Variants in ARPC5 observed in about 807,000 individuals in gnomAD.
ARPC5 encodes actin related protein 2/3 complex subunit 5.
A neutral mutation model predicts 15.4 loss-of-function variants in ARPC5; 5 were observed. The ratio of observed to expected loss-of-function variants is 0.32; its 90% CI spans 0.17 to 0.68. The LOEUF is 0.68. Among genes scored for constraint, ARPC5 ranks in the 30% least tolerant of loss-of-function variants. The probability of loss-of-function intolerance (pLI) is 0.71; values close to 1 mark genes in which losing one functional copy is unlikely to be tolerated. For missense variants in ARPC5, 138 were observed against 192.8 expected (o/e 0.72, Z 1.68); for synonymous variants, 85 against 72.2 (o/e 1.18, Z -0.90).
chr1:183,633,324 C>T, intron 1 of ARPC5, 170 bp from the exon 2 acceptor site: 3 of 494,342 alleles, frequency 6.1e-6, no homozygotes, highest in Non-Finnish European at 1.1e-5. Context: ...GGCAAAATAT[C>T]AAAAGCAAAA....
intron 2 of ARPC5, chr1:183,632,383 G>C (rs1348658263): frequency 6.6e-6 from 1 of 151,636 alleles, no homozygotes; most frequent in Non-Finnish European, 1.5e-5. Flanking sequence ...TACTCAAAGA[G>C]AACAATTAAA....
rs1303954147 is a variant in ARPC5, at chr1:183,621,468, G to A, written c.*6064C>T. 1.3e-5 allele frequency: 2 copies of A among 152,104 alleles called. No homozygotes were observed. The highest frequency in any genetic ancestry group is 2.4e-5 in the African/African-American group (1 of 41,434). The allele number at this position is 152,104 out of a possible 1,614,324, so 9.4% of individuals were successfully genotyped here. A position where few individuals can be genotyped will look rare whatever the true frequency, so the allele number is the denominator to read the frequency against. On this transcript the variant is annotated 3_prime_UTR_variant, in exon 4 of 4. Transcript: ENST00000359856. ...CAGTCATAAAAATAAAATTGTTATC[G>A]GAAAGTGGTCCCAATCCAGACCCCA...
rs12032504 is a variant in ARPC5 at position 183,633,173 on chromosome 1, G to T, written c.144-19C>A. 56,166 of 1,576,072 alleles carry T rather than the reference G, an allele frequency of 0.036. 1,569 individuals carry two copies. The highest frequency in any genetic ancestry group is 0.13 in the African/African-American group (9,691 of 72,504). Reference sequence around the variant, plus strand: ...GTTTCCTGTGATGGAAGTTAAGGGTGTAACAGCAAAGGATGGCCCCCAGGA... The same window carrying T: ...GTTTCCTGTGATGGAAGTTAAGGGTTTAACAGCAAAGGATGGCCCCCAGGA... On this transcript the variant is annotated intron_variant, in intron 1 of 3. Coordinates refer to ENST00000359856, the MANE Select transcript of ARPC5 (RefSeq NM_005717.4).
intron 2 of ARPC5, chr1:183,631,605 T>G (rs1263893619): frequency 6.8e-6 from 1 of 147,562 alleles, no homozygotes; most frequent in Non-Finnish European, 1.5e-5. Flanking sequence ...AAAAAAAAAT[T>G]CCCAACAAAA....
At chr1:183,634,164 A>C (rs1649350171) in intron 1 of ARPC5, among the ~76,000 whole-genome samples, 1 of 152,232 alleles carries the variant, frequency 6.6e-6, no homozygotes, top group African/African-American at 2.4e-5. Context: ...TTTCTAAAGA[A>C]AAAGTTCTTA....
At chr1:183,632,866 C>A in intron 2 of ARPC5, 1 of 387,280 alleles carries the variant, frequency 2.6e-6, no homozygotes, top group Non-Finnish European at 4.6e-6. Context: ...ATTTCACTAT[C>A]GTTTGAACTT....
chr1:183,630,770 T>G (rs1271312057), intron 2 of ARPC5, 133 bp from the exon 3 acceptor site: 2 of 782,704 alleles, frequency 2.6e-6, no homozygotes, highest in African/African-American at 3.5e-5. Flanking sequence ...TTGGGATAAC[T>G]GAGGAAAGTG....
At chr1:183,630,809 T>C (rs1027212141) in intron 2 of ARPC5, 172 bp from the exon 3 acceptor site, 2 of 603,868 alleles carry the variant, frequency 3.3e-6, no homozygotes, top group Admixed American at 3.2e-5. Flanking sequence ...ACAGTGCTAT[T>C]AGTGTGTGTT....
At chr1:183,630,439 A>G in intron 3 of ARPC5, 22 bp downstream of exon 3, 1 of 1,560,020 alleles carries the variant, frequency 6.4e-7, no homozygotes, top group Non-Finnish European at 8.7e-7. Flanking sequence ...CCAGTCATAT[A>G]GATTTATAAT....
At position 183,635,712 on chromosome 1, in the gene ARPC5, C is replaced by G; in HGVS notation, c.-53G>C. On this transcript the variant is annotated 5_prime_UTR_variant, in exon 1 of 4. Coordinates refer to ENST00000359856, the MANE Select transcript of ARPC5 (RefSeq NM_005717.4). Reference sequence around the variant, plus strand: ...CTTCTTGGCGCTGCCTCTACCTCAGCAAGCCCAGCCCAGCAACCCACTACC... The same window carrying G: ...CTTCTTGGCGCTGCCTCTACCTCAGGAAGCCCAGCCCAGCAACCCACTACC... The G allele has an allele frequency of 6.3e-7, 1 of 1,581,686 alleles. No homozygotes were observed. The highest frequency in any genetic ancestry group is 8.6e-7 in the Non-Finnish European group (1 of 1,162,464).
intron 3 of ARPC5, 143 bp from the exon 4 acceptor site, chr1:183,627,737 C>A: frequency 1.4e-6 from 1 of 697,620 alleles, no homozygotes; most frequent in Non-Finnish European, 2.6e-6. Flanking sequence ...TTCTTGAGCA[C>A]CAATTATGCA....
chr1:183,621,666 G>A lies in ARPC5; in HGVS notation c.*5866C>T, dbSNP rs1401562403. The A allele has an allele frequency of 6.6e-6, 1 of 152,212 alleles. No individual in the cohort carries two copies. Among genetic ancestry groups the A allele is most frequent in the African/African-American group, 2.4e-5 (1 of 41,454 alleles). The allele number at this position is 152,212 out of a possible 1,614,324, so 9.4% of individuals were successfully genotyped here. On this transcript the variant is annotated 3_prime_UTR_variant, in exon 4 of 4. Transcript: ENST00000359856. ...TATTTCTTGATGATATGCTAAACAA[G>A]GGGTGTATTATTCATGCCTCCCCTT...
chr1:183,629,324 T>A (rs1184441031), intron 3 of ARPC5, among the ~76,000 whole-genome samples: 1 of 152,224 alleles, frequency 6.6e-6, no homozygotes, highest in Admixed American at 6.5e-5. Context: ...AAATTGAGGA[T>A]GATAAAGATA....
Position 183,626,383 on chromosome 1 carries a change from T to C in ARPC5, c.*1149A>G, listed in dbSNP as rs541503687. 8 of 152,362 alleles carry C rather than the reference T, an allele frequency of 5.3e-5. No individual in the cohort carries two copies. Among genetic ancestry groups the C allele is most frequent in the African/African-American group, 1.9e-4 (8 of 41,582 alleles). 9.4% of individuals were successfully genotyped at this position (152,362 alleles called of 1,614,324 possible). On this transcript the variant is annotated 3_prime_UTR_variant, in exon 4 of 4. Transcript: ENST00000359856. ...ACTAAGCACAAGCTCACTTCCCTCT[T>C]GGTCAGGTGGTTTGTTTTAGAGCTA... is the stretch of plus-strand genomic sequence containing the variant.
chr1:183,633,166 TA>T lies in ARPC5; in HGVS notation c.144-13del. Reference sequence around the variant, plus strand: ...CTGTCATGTTTCCTGTGATGGAAGTTAAGGGTGTAACAGCAAAGGATGGCCC... The same window carrying T: ...CTGTCATGTTTCCTGTGATGGAAGTTAGGGTGTAACAGCAAAGGATGGCCC... On this transcript the variant is annotated splice_polypyrimidine_tract_variant and intron_variant, in intron 1 of 3. Transcript: ENST00000359856. 6.3e-7 allele frequency: 1 copy of T among 1,593,078 alleles called. No individual in the cohort carries two copies. Among genetic ancestry groups the T allele is most frequent in the Non-Finnish European group, 8.5e-7 (1 of 1,171,570 alleles).
chr1:183,622,745 G>C lies in ARPC5; in HGVS notation c.*4787C>G, dbSNP rs1361330714. On this transcript the variant is annotated 3_prime_UTR_variant, in exon 4 of 4. Coordinates refer to ENST00000359856, the MANE Select transcript of ARPC5 (RefSeq NM_005717.4). ...GGCAAAGCTAAACACTATAGGGGCT[G>C]CACGTGGTACTCATGGTGGCTCTGA... 1 of 152,350 alleles carries C rather than the reference G, an allele frequency of 6.6e-6. No individual in the cohort carries two copies. Among genetic ancestry groups the C allele is most frequent in the African/African-American group, 2.4e-5 (1 of 41,442 alleles). The allele number at this position is 152,350 out of a possible 1,614,324, so 9.4% of individuals were successfully genotyped here.
intron 1 of ARPC5, among the ~76,000 whole-genome samples, chr1:183,634,700 G>T (rs1217164895): frequency 6.6e-6 from 1 of 152,148 alleles, no homozygotes; most frequent in Non-Finnish European, 1.5e-5. Flanking sequence ...TTATACGAAT[G>T]ACTCATCTTC....
chr1:183,630,696 T>G (rs1649238922), intron 2 of ARPC5, 59 bp from the exon 3 acceptor site: 2 of 1,494,530 alleles, frequency 1.3e-6, no homozygotes, highest in Middle Eastern at 1.8e-4. Flanking sequence ...GGGTTTAGAA[T>G]TTCAGAAAGT....
intron 2 of ARPC5, chr1:183,631,131 G>C (rs1210426146): frequency 6.5e-6 from 1 of 152,990 alleles, no homozygotes; most frequent in Non-Finnish European, 1.5e-5. Flanking sequence ...GCTGGATGTG[G>C]TAAGCATAGT....
Sources: allele counts gnomAD v4.1 joint callset (sites outside exome capture counted in the v4.1 genomes callset), GRCh38; gene constraint gnomAD v4.1.1; transcripts MANE v1.5; gene names NCBI Gene and HGNC (gene_info 2026-07-23, HGNC 2026-07-21).